CA10: variants seen among roughly 807,000 people sequenced by gnomAD.
CA10 encodes carbonic anhydrase 10 (inactive).
CA10 carries 14 observed loss-of-function variants against 44.2 expected under a neutral mutation model. That is an observed-to-expected ratio of 0.32 (90% CI 0.21 to 0.50). The LOEUF is 0.50. Among genes scored for constraint, CA10 ranks in the 20% least tolerant of loss-of-function variants. CA10 has a pLI of 0.99. For synonymous variants in CA10, 159 were observed against 141.6 expected (o/e 1.12, Z -0.87); for missense variants, 350 against 409.7 (o/e 0.85, Z 1.26).
chr17:51,979,462 T>C (rs1469853268), intron 2 of CA10, among the ~76,000 whole-genome samples: 1 of 152,240 alleles, frequency 6.6e-6, no homozygotes, highest in East Asian at 1.9e-4. Context: ...AATAGCTATC[T>C]TTTCTGCTCC....
At position 51,691,070 on chromosome 17, in the gene CA10, C is replaced by G. The variant is rs945865128; in HGVS notation, c.466-37334G>C. On this transcript the variant is annotated intron_variant, in intron 4 of 8. Transcript: ENST00000451037. ...CAGATATCATTTCAATATACTGATTCCATATCCTTTGGGCATATATACAGT... is the reference window on the plus strand; with the variant it reads ...CAGATATCATTTCAATATACTGATTGCATATCCTTTGGGCATATATACAGT... 3.3e-5 allele frequency among the ~76,000 whole-genome samples: 5 copies of G among 152,146 alleles called. No individual in the cohort carries two copies. The East Asian group carries it at 9.6e-4, about 29-fold the overall frequency.
chr17:51,633,797 A>G (rs1912704246), intron 7 of CA10, 147 bp from the exon 8 acceptor site: 1 of 803,840 alleles, frequency 1.2e-6, no homozygotes, highest in South Asian at 2.3e-5. Context: ...CCTTTTTTCC[A>G]TGGGTTCAGT....
chr17:51,714,002 C>T (rs565086094), intron 4 of CA10, among the ~76,000 whole-genome samples: 4 of 152,216 alleles, frequency 2.6e-5, no homozygotes, highest in South Asian at 4.2e-4. Context: ...GTGGCTTTTC[C>T]GTTTCTTATA....
chr17:51,789,235 C>T (rs1248097564), intron 3 of CA10, among the ~76,000 whole-genome samples: 2 of 152,096 alleles, frequency 1.3e-5, no homozygotes, highest in East Asian at 1.9e-4. Flanking sequence ...AGGCTGGTCT[C>T]GAACTTATGA....
At chr17:51,822,431 AAC>A (rs1488300671) in intron 3 of CA10, among the ~76,000 whole-genome samples, 1 of 151,632 alleles carries the variant, frequency 6.6e-6, no homozygotes, top group Admixed American at 6.6e-5. Context: ...ACAAAACAAA[AAC>A]AAAAACAAAA....
chr17:51,918,887 A>G (rs982045532), intron 3 of CA10, among the ~76,000 whole-genome samples: 4 of 152,326 alleles, frequency 2.6e-5, no homozygotes, highest in African/African-American at 9.6e-5. Flanking sequence ...AAAGAGATGG[A>G]TTATTTTAGT....
intron 3 of CA10, among the ~76,000 whole-genome samples, chr17:51,857,566 A>G (rs1979104894): frequency 6.6e-6 from 1 of 152,192 alleles, no homozygotes; most frequent in Admixed American, 6.5e-5. Flanking sequence ...GGCCCAATTT[A>G]TCTGTCATGA....
chr17:51,694,600 G>A (rs541004471), intron 4 of CA10, among the ~76,000 whole-genome samples: 1 of 151,874 alleles, frequency 6.6e-6, no homozygotes, highest in East Asian at 1.9e-4. Flanking sequence ...TAATTCTGTG[G>A]GTGGTCTGTT....
At chr17:51,637,402 C>T (rs11871657) in intron 6 of CA10, among the ~76,000 whole-genome samples, 3 of 151,952 alleles carry the variant, frequency 2.0e-5, no homozygotes, top group Non-Finnish European at 4.4e-5. Flanking sequence ...CTAGAGGTAT[C>T]ACATCCCCAG....
At chr17:51,905,988 G>A (rs1282286642) in intron 3 of CA10, among the ~76,000 whole-genome samples, 1 of 152,064 alleles carries the variant, frequency 6.6e-6, no homozygotes, top group Admixed American at 6.6e-5. Context: ...CTGGTGGCCA[G>A]CACCTCCTTT....
chr17:51,993,885 A>G (rs1163233907), intron 2 of CA10, among the ~76,000 whole-genome samples: 1 of 152,004 alleles, frequency 6.6e-6, no homozygotes, highest in African/African-American at 2.4e-5. Flanking sequence ...TTTATTGATA[A>G]ATTACTAAGT....
At chr17:51,709,876 G>T (rs958382512) in intron 4 of CA10, among the ~76,000 whole-genome samples, 2 of 152,210 alleles carry the variant, frequency 1.3e-5, no homozygotes, top group Non-Finnish European at 2.9e-5. Context: ...GCTGCGTGCA[G>T]TGGCATTGTC....
intron 3 of CA10, among the ~76,000 whole-genome samples, chr17:51,795,791 G>T (rs1330259933): frequency 6.6e-6 from 1 of 152,226 alleles, no homozygotes; most frequent in Non-Finnish European, 1.5e-5. Flanking sequence ...ACTCGTGGTG[G>T]TCACAGGGCA....
intron 4 of CA10, among the ~76,000 whole-genome samples, chr17:51,663,030 C>A (rs1283995660): frequency 1.5e-4 from 23 of 152,086 alleles, no homozygotes; most frequent in Admixed American, 1.5e-3. Flanking sequence ...GCTACTTATC[C>A]CCTCTGATTA....
At chr17:52,123,437 T>A (rs1461387925) in intron 1 of CA10, among the ~76,000 whole-genome samples, 2 of 150,180 alleles carry the variant, frequency 1.3e-5, no homozygotes, top group Non-Finnish European at 3.0e-5. Context: ...CAGATCTCCA[T>A]TACCAGCTTT....
chr17:51,965,100 C>T (rs1984032371), intron 2 of CA10, among the ~76,000 whole-genome samples: 1 of 151,902 alleles, frequency 6.6e-6, no homozygotes, highest in South Asian at 2.1e-4. Flanking sequence ...AAAAGATCCT[C>T]AGAGAGTATA....
rs537006217 is a variant in CA10, at chr17:51,747,578, G to C, written c.465+55C>G. ...GTTATCCCATCTTGGACACAAACAG[G>C]CACCCAATCTTATAAGTTGACATTT... On this transcript the variant is annotated intron_variant, in intron 4 of 8. Coordinates refer to ENST00000451037, the MANE Select transcript of CA10 (RefSeq NM_020178.5). The C allele has an allele frequency of 5.6e-5, 79 of 1,421,104 alleles. 1 individual carries two copies. The African/African-American group carries it at 1.0e-3, about 18-fold the overall frequency. 88.0% of individuals were successfully genotyped at this position (1,421,104 alleles called of 1,614,324 possible).
At chr17:51,748,500 C>CT (rs1904785175) in intron 3 of CA10, 1 of 985,146 alleles carries the variant, frequency 1.0e-6, no homozygotes, top group African/African-American at 1.7e-5. Flanking sequence ...CCTTTTCCTT[C>CT]TTTTCTTGCT....
chr17:52,129,250 T>C (rs754859328), intron 1 of CA10, among the ~76,000 whole-genome samples: 8 of 152,228 alleles, frequency 5.3e-5, no homozygotes, highest in Non-Finnish European at 7.3e-5. Flanking sequence ...TATATTGTTT[T>C]ATGTGATCTA....
Sources: gnomAD v4.1 joint callset for allele counts (sites outside exome capture counted in the v4.1 genomes callset) on GRCh38, gnomAD v4.1.1 for gene constraint, MANE v1.5 for transcripts, NCBI Gene and HGNC (gene_info 2026-07-23, HGNC 2026-07-21) for gene names.